DNAJC21: variants seen among roughly 807,000 people sequenced by gnomAD.
DNAJC21 encodes the protein dnaJ homolog subfamily C member 21.
DNAJC21 carries 63 observed loss-of-function variants against 72.4 expected under a neutral mutation model. That is an observed-to-expected ratio of 0.87 (90% CI 0.71 to 1.07). DNAJC21 has a LOEUF of 1.07. DNAJC21 is among the 50% of genes least tolerant of loss of function. DNAJC21 has a pLI of 0.00. For missense variants in DNAJC21, 634 were observed against 644.8 expected (o/e 0.98, Z 0.18); for synonymous variants, 203 against 216.7 (o/e 0.94, Z 0.56).
chr5:34,944,495 A>C (rs145583065), intron 7 of DNAJC21, among the ~76,000 whole-genome samples: 3 of 152,346 alleles, frequency 2.0e-5, no homozygotes, highest in African/African-American at 7.2e-5. Flanking sequence ...CGGAAGCTTT[A>C]AGAATTGAAA....
chr5:34,954,099 C>A, intron 11 of DNAJC21, 98 bp downstream of exon 11: 2 of 1,073,290 alleles, frequency 1.9e-6, no homozygotes, highest in Non-Finnish European at 2.6e-6. Context: ...AGCCATTCCG[C>A]AAAGAGCCTG....
At position 34,957,843 on chromosome 5, in the gene DNAJC21, A is replaced by G. The variant is rs1261229197; in HGVS notation, c.*3129A>G. 6.6e-6 allele frequency: 1 copy of G among 152,232 alleles called. No individual in the cohort carries two copies. Among genetic ancestry groups the G allele is most frequent in the Non-Finnish European group, 1.5e-5 (1 of 68,042 alleles). The allele number at this position is 152,232 out of a possible 1,614,324, so 9.4% of individuals were successfully genotyped here. On this transcript the variant is annotated 3_prime_UTR_variant, in exon 12 of 12. Coordinates refer to ENST00000648817, the MANE Select transcript of DNAJC21 (RefSeq NM_001012339.3). ...CTTTTAAACTTTTTTATGAATTCCT[A>G]AACATTACCATTTATGTGGCAGAAG...
rs1765505687 is a variant in DNAJC21, at chr5:34,955,455, A to G, written c.*741A>G. 1 of 152,248 alleles carries G rather than the reference A, an allele frequency of 6.6e-6. No individual in the cohort carries two copies. Among genetic ancestry groups the G allele is most frequent in the African/African-American group, 2.4e-5 (1 of 41,472 alleles). The allele number at this position is 152,248 out of a possible 1,614,324, so 9.4% of individuals were successfully genotyped here. A position where few individuals can be genotyped will look rare whatever the true frequency, so the allele number is the denominator to read the frequency against. On this transcript the variant is annotated 3_prime_UTR_variant, in exon 12 of 12. Coordinates refer to ENST00000648817, the MANE Select transcript of DNAJC21 (RefSeq NM_001012339.3). ...GCTGTAAAGTATGACGGAACAAGGT[A>G]GCAGATGGTACAGAATTTATACTAT...
In DNAJC21 at chr5:34,938,844, C is replaced by T. The variant is rs1764883045; in HGVS notation, c.744-14C>T. 6 of 1,597,094 alleles carry T rather than the reference C, an allele frequency of 3.8e-6. No individual in the cohort carries two copies. Among genetic ancestry groups the T allele is most frequent in the Non-Finnish European group, 3.4e-6 (4 of 1,173,626 alleles). ...GCGTGCTTGTCGCTGTGAGACTGTG[C>T]TGTATGTGTCTAGACTGGTGGAGCA... On this transcript the variant is annotated splice_polypyrimidine_tract_variant and intron_variant, in intron 5 of 11. Transcript: ENST00000648817.
At chr5:34,952,968 G>T (rs184560438) in intron 10 of DNAJC21, among the ~76,000 whole-genome samples, 17 of 152,092 alleles carry the variant, frequency 1.1e-4, no homozygotes, top group Non-Finnish European at 1.8e-4. Context: ...GGCCAATATG[G>T]TAAAACCCTG....
At position 34,955,147 on chromosome 5, in the gene DNAJC21, A is replaced by G. The variant is rs1765498784; in HGVS notation, c.*433A>G. ...ACTCGGATCTTTTAAAAAGCATCAT[A>G]GATCATTTTTCCATATGACACTGGT... On this transcript the variant is annotated 3_prime_UTR_variant, in exon 12 of 12. Coordinates refer to ENST00000648817, the MANE Select transcript of DNAJC21 (RefSeq NM_001012339.3). 6.5e-6 allele frequency: 1 copy of G among 152,728 alleles called. No homozygotes were observed. Among genetic ancestry groups the G allele is most frequent in the South Asian group, 2.1e-4 (1 of 4,846 alleles). 9.5% of individuals were successfully genotyped at this position (152,728 alleles called of 1,614,324 possible).
chr5:34,942,874 G>T (rs1269791975), intron 7 of DNAJC21, among the ~76,000 whole-genome samples: 2 of 152,154 alleles, frequency 1.3e-5, no homozygotes, highest in African/African-American at 4.8e-5. Flanking sequence ...TTTGAGACCA[G>T]CCTGACCAAC....
intron 9 of DNAJC21, among the ~76,000 whole-genome samples, chr5:34,948,604 C>G (rs561763901): frequency 6.6e-6 from 1 of 152,316 alleles, no homozygotes; most frequent in South Asian, 2.1e-4. Context: ...CGGTGGCTCA[C>G]GCCTGTAATC....
rs1764821335 is a variant in DNAJC21 at position 34,937,498 on chromosome 5, G to A, written c.611G>A (p.Arg204His). Residue 204 changes from arginine to histidine, a missense_variant, in exon 5 of 12, where the codon CGT (arginine) becomes CAT (histidine). Coordinates refer to ENST00000648817, the MANE Select transcript of DNAJC21 (RefSeq NM_001012339.3). ...KARKEKNELV[R>H]QLVAFIRKRD... is the part of the protein sequence containing the mutation. The stretch of plus-strand genomic sequence containing the variant: ...AGGAAAGAGAAGAATGAGCTTGTCC[G>A]TCAGCTGGTAGCTTTCATTCGTAAA... 6.8e-6 allele frequency: 11 copies of A among 1,614,144 alleles called. No homozygotes were observed. Among genetic ancestry groups the A allele is most frequent in the South Asian group, 3.3e-5 (3 of 91,076 alleles).
At chr5:34,944,728 G>T (rs921725526) in intron 7 of DNAJC21, 139 bp from the exon 8 acceptor site, 13 of 1,232,654 alleles carry the variant, frequency 1.1e-5, no homozygotes, top group Non-Finnish European at 8.0e-6. Flanking sequence ...TAAAAAAAAA[G>T]AAAAAAATAA....
intron 7 of DNAJC21, among the ~76,000 whole-genome samples, chr5:34,941,503 G>A (rs1464278371): frequency 1.3e-5 from 2 of 151,196 alleles, no homozygotes; most frequent in Non-Finnish European, 2.9e-5. Flanking sequence ...GATTGCAAGC[G>A]TGAGCCACTG....
chr5:34,941,964 G>A (rs2112059532), intron 7 of DNAJC21, among the ~76,000 whole-genome samples: 1 of 152,082 alleles, frequency 6.6e-6, no homozygotes, highest in East Asian at 1.9e-4. Flanking sequence ...TGTCTCGGGG[G>A]ATTCCTTTCC....
chr5:34,954,782 C>G lies in DNAJC21; in HGVS notation c.*68C>G. 7.2e-7 allele frequency: 1 copy of G among 1,383,910 alleles called. No individual in the cohort carries two copies. Among genetic ancestry groups the G allele is most frequent in the Non-Finnish European group, 9.5e-7 (1 of 1,053,518 alleles). The allele number at this position is 1,383,910 out of a possible 1,614,324, so 85.7% of individuals were successfully genotyped here. A position where few individuals can be genotyped will look rare whatever the true frequency, so the allele number is the denominator to read the frequency against. ...AACCAAAAAACTGAACTGAAATCAT[C>G]TAAAGAGTTAAAATTTCAGTGATCT... On this transcript the variant is annotated 3_prime_UTR_variant, in exon 12 of 12. Coordinates refer to ENST00000648817, the MANE Select transcript of DNAJC21 (RefSeq NM_001012339.3).
intron 10 of DNAJC21, chr5:34,952,228 G>A: frequency 1.0e-6 from 1 of 984,952 alleles, no homozygotes; most frequent in Non-Finnish European, 1.2e-6. Context: ...AGTGATGTTT[G>A]CCAGGAATAT....
intron 4 of DNAJC21, 125 bp from the exon 5 acceptor site, chr5:34,937,201 G>A: frequency 1.0e-6 from 1 of 973,340 alleles, no homozygotes; most frequent in Non-Finnish European, 1.5e-6. Flanking sequence ...CTTCTCCAGA[G>A]ATTATTAGAA....
At position 34,954,621 on chromosome 5, in the gene DNAJC21, A is replaced by G. The variant is rs777589172; in HGVS notation, c.1503A>G (p.Leu501=). 16 of 1,613,490 alleles carry G rather than the reference A, an allele frequency of 9.9e-6. No individual in the cohort carries two copies. The Admixed American group carries it at 2.0e-4, about 20-fold the overall frequency. ...CTCGGAATAAACTTTTTGACCATCT[A>G]AAGGCCACAGGTCATGCAAGAGCAC... is the stretch of plus-strand genomic sequence containing the variant. ...FPSRNKLFDH[L]KATGHARAPS... The change falls in exon 12 of 12, where the codon CTA becomes CTG. Residue 501 remains leucine, a synonymous_variant. Transcript: ENST00000648817.
chr5:34,952,413 G>A (rs145779045), intron 10 of DNAJC21: 11 of 244,754 alleles, frequency 4.5e-5, no homozygotes, highest in African/African-American at 7.0e-5. Context: ...TGCATAGGCC[G>A]TTTAACTTAG....
chr5:34,945,087 GT>G (rs200874299), intron 8 of DNAJC21, 62 bp downstream of exon 8: 21 of 1,570,222 alleles, frequency 1.3e-5, no homozygotes, highest in African/African-American at 2.7e-5. Context: ...GCATTAAAAG[GT>G]TTTTTTTGAG....
chr5:34,940,526 A>G (rs1263407772), intron 6 of DNAJC21, among the ~76,000 whole-genome samples: 12 of 152,224 alleles, frequency 7.9e-5, no homozygotes, highest in Admixed American at 3.3e-4. Context: ...AATAATTTCA[A>G]TTGAGCTTTT....
Sources: allele counts gnomAD v4.1 joint callset (sites outside exome capture counted in the v4.1 genomes callset), GRCh38; gene constraint gnomAD v4.1.1; transcripts MANE v1.5; gene names NCBI Gene and HGNC (gene_info 2026-07-23, HGNC 2026-07-21).